Variants in MALRD1 observed in about 807,000 individuals in gnomAD.
MALRD1 encodes the protein MAM and LDL-receptor class A domain-containing protein 1.
A neutral mutation model predicts 242.1 loss-of-function variants in MALRD1; 247 were observed. The observed-to-expected ratio is 1.02, with a 90% CI of 0.92 to 1.13. The LOEUF (loss-of-function observed/expected upper bound fraction) is 1.13, where lower values mean the gene tolerates loss of function less well. Among genes scored for constraint, MALRD1 ranks in the 50% most tolerant of loss-of-function variants. The pLI, the probability that MALRD1 is intolerant of heterozygous loss-of-function variation, is 0.00. For missense variants in MALRD1, 2,989 were observed against 2,533.1 expected (o/e 1.18, Z -3.86); for synonymous variants, 995 against 866.6 (o/e 1.15, Z -2.60).
chr10:19,398,383 CTT>C (rs1388766019), intron 28 of MALRD1, among the ~76,000 whole-genome samples: 3 of 147,594 alleles, frequency 2.0e-5, no homozygotes, highest in Non-Finnish European at 4.5e-5. Context: ...GTAATAGTGA[CTT>C]TGAAAAATAT....
chr10:19,448,032 C>G (rs1193182182), intron 28 of MALRD1, among the ~76,000 whole-genome samples: 1 of 152,066 alleles, frequency 6.6e-6, no homozygotes, highest in African/African-American at 2.4e-5. Context: ...TAGTTGTGCT[C>G]TCGGTAACCA....
chr10:19,176,443 C>T (rs1330940311), intron 14 of MALRD1, among the ~76,000 whole-genome samples: 1 of 135,106 alleles, frequency 7.4e-6, no homozygotes, highest in African/African-American at 2.7e-5. Context: ...GGCGCAATCT[C>T]GGCTCACTGC....
At chr10:19,662,594 A>AAGAGTTTT (rs113760425) in intron 36 of MALRD1, among the ~76,000 whole-genome samples, 5 of 152,226 alleles carry the variant, frequency 3.3e-5, no homozygotes, top group African/African-American at 1.2e-4. Flanking sequence ...CCAAGGTATT[A>AAGAGTTTT]AGAGTTTTAG....
chr10:19,095,305 G>T (rs141675674), intron 4 of MALRD1, among the ~76,000 whole-genome samples: 155 of 152,166 alleles, frequency 1.0e-3, no homozygotes, highest in African/African-American at 3.1e-3. Context: ...GGAATTTTCA[G>T]GCTTCAATAA....
Position 19,331,560 on chromosome 10 carries a change from A to C in MALRD1, c.3879A>C (p.Ser1293=). Residue 1293 remains serine (S), a synonymous_variant, in exon 24 of 40, where the codon TCA becomes TCC. Transcript: ENST00000454679. ...CDFVNDCADN[S]DETTFICRTS... ...TTGTGAATGATTGTGCTGATAATTC[A>C]GATGAGACTACTTTCATTTGCCGTA... The C allele has an allele frequency of 6.5e-7, 1 of 1,550,272 alleles. No individual in the cohort carries two copies. The highest frequency in any genetic ancestry group is 8.7e-7 in the Non-Finnish European group (1 of 1,146,774).
intron 28 of MALRD1, among the ~76,000 whole-genome samples, chr10:19,449,996 T>A (rs1835230813): frequency 6.6e-6 from 1 of 152,218 alleles, no homozygotes; most frequent in Non-Finnish European, 1.5e-5. Context: ...TTTCAGTATC[T>A]GTCAGATACA....
intron 19 of MALRD1, among the ~76,000 whole-genome samples, chr10:19,263,771 C>T (rs1564512795): frequency 1.3e-5 from 2 of 151,918 alleles, no homozygotes; most frequent in Admixed American, 6.6e-5. Flanking sequence ...TCTGTGCTTT[C>T]TATTATGCTC....
At position 19,104,070 on chromosome 10, in the gene MALRD1, C is replaced by A; in HGVS notation, c.689C>A (p.Ala230Asp). Reference sequence around the variant, plus strand: ...TCTTTCAGTTCAGGCTGCTTGCCTGCCAATGGTAAGAACTTTTTCTCTCAT... The same window carrying A: ...TCTTTCAGTTCAGGCTGCTTGCCTGACAATGGTAAGAACTTTTTCTCTCAT... ...DISFSSGCLP[A>D]NDGILLCQEA... Residue 230 changes from alanine (A) to aspartate (D), a missense_variant, in exon 5 of 40, where the codon GCC becomes GAC. Transcript: ENST00000454679. The A allele has an allele frequency of 8.1e-7, 1 of 1,229,662 alleles. No homozygotes were observed. Among genetic ancestry groups the A allele is most frequent in the Non-Finnish European group, 1.0e-6 (1 of 984,310 alleles). 76.2% of individuals were successfully genotyped at this position (1,229,662 alleles called of 1,614,324 possible).
chr10:19,519,872 T>C (rs1833800245), intron 31 of MALRD1, among the ~76,000 whole-genome samples: 1 of 152,216 alleles, frequency 6.6e-6, no homozygotes. Flanking sequence ...CGGTCTACTT[T>C]CATACAAAGC....
At chr10:19,252,641 C>T (rs982978193) in intron 18 of MALRD1, among the ~76,000 whole-genome samples, 7 of 151,970 alleles carry the variant, frequency 4.6e-5, no homozygotes, top group African/African-American at 1.4e-4. Context: ...TATTTTGTCT[C>T]TACTATTACC....
At chr10:19,475,393 C>G (rs1342387834) in intron 29 of MALRD1, among the ~76,000 whole-genome samples, 5 of 152,018 alleles carry the variant, frequency 3.3e-5, no homozygotes, top group African/African-American at 4.8e-5. Flanking sequence ...CCAGCCTGGG[C>G]GACAGAGTAA....
rs74330621 is a variant in MALRD1, at chr10:19,725,678, G to A, written c.6315-5028G>A. ...GGAGAACTCAAACTTCCAAATTTCA[G>A]AATTTACTACAAAAGTACAGTAAAC... On this transcript the variant is annotated intron_variant, in intron 38 of 39. Coordinates refer to ENST00000454679, the MANE Select transcript of MALRD1 (RefSeq NM_001142308.3). Among the ~76,000 whole-genome samples the A allele has an allele frequency of 2.4e-3, 364 of 152,254 alleles. 10 individuals are homozygous for A. In the East Asian group the frequency reaches 0.052, roughly 22 times the overall value.
At chr10:19,486,259 A>C (rs1484498044) in intron 29 of MALRD1, among the ~76,000 whole-genome samples, 1 of 152,208 alleles carries the variant, frequency 6.6e-6, no homozygotes, top group African/African-American at 2.4e-5. Context: ...TCACAGACCA[A>C]CATACCTTTG....
intron 36 of MALRD1, among the ~76,000 whole-genome samples, chr10:19,682,609 G>A (rs377422757): frequency 6.6e-6 from 1 of 152,170 alleles, no homozygotes; most frequent in South Asian, 2.1e-4. Flanking sequence ...GAAGAAATTA[G>A]TCCAAGCAAA....
chr10:19,235,487 T>C (rs1372503415), intron 18 of MALRD1, among the ~76,000 whole-genome samples: 1 of 151,396 alleles, frequency 6.6e-6, no homozygotes, highest in Non-Finnish European at 1.5e-5. Context: ...TCTAATTGAT[T>C]TAAGTTCCCT....
At chr10:19,332,719 A>G (rs531153396) in intron 24 of MALRD1, among the ~76,000 whole-genome samples, 2 of 152,246 alleles carry the variant, frequency 1.3e-5, no homozygotes, top group Admixed American at 6.5e-5. Flanking sequence ...AAGCCTTTTT[A>G]TTTATTAATC....
chr10:19,207,935 C>T (rs544080696), intron 17 of MALRD1, among the ~76,000 whole-genome samples: 27 of 152,316 alleles, frequency 1.8e-4, no homozygotes, highest in African/African-American at 6.5e-4. Context: ...AAGGGTGACA[C>T]TTAAACACAG....
intron 27 of MALRD1, chr10:19,389,236 A>C: frequency 1.5e-6 from 1 of 660,850 alleles, no homozygotes; most frequent in East Asian, 3.0e-5. Context: ...TAATCTGCAT[A>C]CTGTGAAGCA....
chr10:19,074,830 C>A (rs948926688), intron 2 of MALRD1, among the ~76,000 whole-genome samples: 1 of 151,876 alleles, frequency 6.6e-6, no homozygotes, highest in African/African-American at 2.4e-5. Flanking sequence ...TGGATATATT[C>A]TTCAAATTAA....
Sources: gnomAD v4.1 joint callset for allele counts (sites outside exome capture counted in the v4.1 genomes callset) on GRCh38, gnomAD v4.1.1 for gene constraint, MANE v1.5 for transcripts, NCBI Gene and HGNC (gene_info 2026-07-23, HGNC 2026-07-21) for gene names.